The following TBC1D8 variants were observed in gnomAD, a reference collection of about 807,000 sequenced individuals.
TBC1D8 encodes TBC1 domain family member 8.
TBC1D8 carries 65 observed loss-of-function variants against 118.8 expected under a neutral mutation model. The ratio of observed to expected loss-of-function variants is 0.55; its 90% CI spans 0.45 to 0.67. The LOEUF (loss-of-function observed/expected upper bound fraction) is 0.67, where lower values mean the gene tolerates loss of function less well. Among genes scored for constraint, TBC1D8 ranks in the 30% least tolerant of loss-of-function variants. The pLI is 0.00. For synonymous variants in TBC1D8, 566 were observed against 595.8 expected, an observed-to-expected ratio of 0.95 and a Z score of 0.73; for missense variants, 1,376 against 1,471.2, an observed-to-expected ratio of 0.94 and a Z score of 1.06.
At chr2:101,096,695 G>C (rs867412166) in intron 1 of TBC1D8, among the ~76,000 whole-genome samples, 6 of 151,982 alleles carry the variant, frequency 3.9e-5, no homozygotes, top group Non-Finnish European at 7.4e-5. Flanking sequence ...GCCTTTGATG[G>C]GCTCATCAGC....
intron 1 of TBC1D8, among the ~76,000 whole-genome samples, chr2:101,096,278 T>A (rs987027852): frequency 6.6e-6 from 1 of 151,942 alleles, no homozygotes; most frequent in Non-Finnish European, 1.5e-5. Flanking sequence ...CAAGGACACC[T>A]GAGGAATCTG....
chr2:101,020,832 G>C (rs1679986576), intron 17 of TBC1D8, among the ~76,000 whole-genome samples: 2 of 152,162 alleles, frequency 1.3e-5, no homozygotes, highest in Admixed American at 6.5e-5. Flanking sequence ...CCTTTGTCCA[G>C]TATCTGCACA....
At chr2:101,084,271 G>A (rs867892909) in intron 2 of TBC1D8, among the ~76,000 whole-genome samples, 2 of 152,160 alleles carry the variant, frequency 1.3e-5, no homozygotes, top group East Asian at 1.9e-4. Context: ...ACATCCCACC[G>A]GGTGCAGTGG....
At chr2:101,122,570 C>T (rs1678179006) in intron 1 of TBC1D8, among the ~76,000 whole-genome samples, 1 of 152,018 alleles carries the variant, frequency 6.6e-6, no homozygotes. Flanking sequence ...ATAGCTAGTT[C>T]ATGACTGAAA....
chr2:101,109,935 A>C (rs1338308054), intron 1 of TBC1D8: 41 of 985,482 alleles, frequency 4.2e-5, no homozygotes, highest in Non-Finnish European at 4.7e-5. Flanking sequence ...CAAGGGCTGC[A>C]GGGCCGCCAC....
At chr2:101,069,194 G>A (rs1026184182) in intron 2 of TBC1D8, among the ~76,000 whole-genome samples, 17 of 151,632 alleles carry the variant, frequency 1.1e-4, no homozygotes, top group African/African-American at 3.9e-4. Context: ...TCGGGAGGCT[G>A]AGGCATAAGA....
intron 3 of TBC1D8, among the ~76,000 whole-genome samples, chr2:101,058,768 G>C (rs78699350): frequency 6.6e-6 from 1 of 150,660 alleles, no homozygotes; most frequent in African/African-American, 2.4e-5. Flanking sequence ...AAAAAAAAAG[G>C]TGATTTAAGA....
chr2:101,071,460 A>C (rs1238607630), intron 2 of TBC1D8, among the ~76,000 whole-genome samples: 1 of 152,238 alleles, frequency 6.6e-6, no homozygotes, highest in African/African-American at 2.4e-5. Context: ...TCTTTAGTTA[A>C]TTGTTATTGA....
In TBC1D8 at chr2:101,107,978, G is replaced by C. The variant is rs1485785119; in HGVS notation, c.128-17614C>G. Among the ~76,000 whole-genome samples the C allele has an allele frequency of 2.0e-5, 3 of 151,958 alleles. No homozygotes were observed. In the East Asian group the frequency reaches 5.8e-4, roughly 30 times the overall value. Reference sequence around the variant, plus strand: ...GGAGGCTGAGGTAGGAGGATCACCTGAGCCAAGAGTTTGAGGTTGCAGTGA... The same window carrying C: ...GGAGGCTGAGGTAGGAGGATCACCTCAGCCAAGAGTTTGAGGTTGCAGTGA... On this transcript the variant is annotated intron_variant, in intron 1 of 19. Coordinates refer to ENST00000409318, the MANE Select transcript of TBC1D8 (RefSeq NM_001330348.2).
At chr2:101,149,758 G>A (rs1363395646) in intron 1 of TBC1D8, among the ~76,000 whole-genome samples, 1 of 152,166 alleles carries the variant, frequency 6.6e-6, no homozygotes, top group East Asian at 1.9e-4. Flanking sequence ...CTAAGCACCA[G>A]GGTGCGTCAC....
At chr2:101,123,244 T>C (rs1678205878) in intron 1 of TBC1D8, among the ~76,000 whole-genome samples, 2 of 152,054 alleles carry the variant, frequency 1.3e-5, no homozygotes, top group African/African-American at 4.8e-5. Flanking sequence ...TGGGGAGTCT[T>C]TAGGCTTTTC....
chr2:101,123,098 T>C (rs1475195358), intron 1 of TBC1D8, among the ~76,000 whole-genome samples: 2 of 152,128 alleles, frequency 1.3e-5, no homozygotes, highest in Non-Finnish European at 2.9e-5. Flanking sequence ...AAACTGGGCA[T>C]GGTGGTGCGC....
At chr2:101,075,503 G>A (rs558037090) in intron 2 of TBC1D8, among the ~76,000 whole-genome samples, 16 of 152,226 alleles carry the variant, frequency 1.1e-4, no homozygotes, top group African/African-American at 3.9e-4. Context: ...CACGTGTCAA[G>A]GGAGAGACCA....
At chr2:101,092,283 A>G (rs1676088923) in intron 1 of TBC1D8, among the ~76,000 whole-genome samples, 1 of 152,136 alleles carries the variant, frequency 6.6e-6, no homozygotes, top group Non-Finnish European at 1.5e-5. Context: ...CAGGTTATAT[A>G]TTTTCGGCAA....
Position 101,029,649 on chromosome 2 carries a change from G to A in TBC1D8, c.2064C>T (p.Leu688=), listed in dbSNP as rs370147366. ...CCGCACTCTCTAGAGGCATGATGCT[G>A]AGGAACAGGGTCAGGAACCACGAGA... is the stretch of plus-strand genomic sequence containing the variant. ...VSLSWFLTLF[L]SIMPLESAVN... Residue 688 remains leucine, a synonymous_variant, in exon 12 of 20, where the codon CTC becomes CTT. Coordinates refer to ENST00000409318, the MANE Select transcript of TBC1D8 (RefSeq NM_001330348.2). The A allele has an allele frequency of 3.7e-6, 6 of 1,613,900 alleles. No homozygotes were observed. The African/African-American group carries it at 8.0e-5, about 22-fold the overall frequency.
intron 1 of TBC1D8, among the ~76,000 whole-genome samples, chr2:101,105,555 C>G (rs1041562573): frequency 4.0e-5 from 6 of 149,838 alleles, no homozygotes; most frequent in Admixed American, 6.7e-5. Flanking sequence ...TGCCACTACA[C>G]TCCAGCCTGG....
intron 1 of TBC1D8, among the ~76,000 whole-genome samples, chr2:101,091,283 C>A (rs1341643550): frequency 6.6e-6 from 1 of 151,982 alleles, no homozygotes; most frequent in Non-Finnish European, 1.5e-5. Flanking sequence ...GAAACTCCAT[C>A]TCAAAAAAAG....
chr2:101,079,725 G>A (rs1286599790), intron 2 of TBC1D8, among the ~76,000 whole-genome samples: 10 of 120,054 alleles, frequency 8.3e-5, no homozygotes, highest in African/African-American at 9.8e-5. Flanking sequence ...TTGCTCTGTC[G>A]CCCAGGCTGG....
chr2:101,019,144 C>T (rs2105373048), intron 17 of TBC1D8: 5 of 1,466,600 alleles, frequency 3.4e-6, no homozygotes, highest in Non-Finnish European at 4.6e-6. Flanking sequence ...ACGTCTGTCT[C>T]CCATATTACC....
Sources: gnomAD v4.1 joint callset for allele counts (sites outside exome capture counted in the v4.1 genomes callset) on GRCh38, gnomAD v4.1.1 for gene constraint, MANE v1.5 for transcripts, NCBI Gene and HGNC (gene_info 2026-07-23, HGNC 2026-07-21) for gene names.